The following CWF19L2 variants were observed in gnomAD, a reference collection of about 807,000 sequenced individuals.
CWF19L2 encodes CWF19-like protein 2.
CWF19L2 carries 98 observed loss-of-function variants against 111.7 expected under a neutral mutation model. That is an observed-to-expected ratio of 0.88 (90% CI 0.75 to 1.04). The LOEUF (loss-of-function observed/expected upper bound fraction) is 1.04, where lower values mean the gene tolerates loss of function less well. Among genes scored for constraint, CWF19L2 ranks in the 50% least tolerant of loss-of-function variants. The pLI is 0.00. For synonymous variants in CWF19L2, 351 were observed against 342.9 expected (o/e 1.02, Z -0.26); for missense variants, 1,101 against 1,051.4 (o/e 1.05, Z -0.65).
Position 107,329,934 on chromosome 11 carries a change from G to A in CWF19L2, c.2525C>T (p.Pro842Leu), listed in dbSNP as rs1859817979. The change falls in exon 17 of 18, where the codon CCT (proline) becomes CTT (leucine). Residue 842 changes from proline to leucine, a missense_variant. Coordinates refer to ENST00000282251, the MANE Select transcript of CWF19L2 (RefSeq NM_152434.3). ...AHVIEDQHKF[P>L]HYFGKEIIGG... ...TAAGCCTACCTTTCCAAAGTAATGA[G>A]GGAATTTGTGCTGATCTTCAATGAC... The A allele has an allele frequency of 6.3e-7, 1 of 1,580,926 alleles. No individual in the cohort carries two copies.
chr11:107,352,155 C>T (rs1860164821), intron 13 of CWF19L2, among the ~76,000 whole-genome samples: 1 of 152,128 alleles, frequency 6.6e-6, no homozygotes, highest in African/African-American at 2.4e-5. Context: ...CTTGTATTGT[C>T]CTGTATTTCC....
chr11:107,349,507 G>A (rs758420739), intron 13 of CWF19L2, among the ~76,000 whole-genome samples: 10 of 152,008 alleles, frequency 6.6e-5, no homozygotes, highest in African/African-American at 1.2e-4. Context: ...TGAGAAAAGA[G>A]AATTAACTCA....
intron 8 of CWF19L2, among the ~76,000 whole-genome samples, chr11:107,427,599 A>G (rs1483513006): frequency 6.6e-6 from 1 of 152,160 alleles, no homozygotes; most frequent in Non-Finnish European, 1.5e-5. Context: ...GAAGGCCTAC[A>G]GATCATCCAA....
intron 14 of CWF19L2, among the ~76,000 whole-genome samples, chr11:107,347,164 AATCTGTGATTACTCAAGT>A (rs1860092245): frequency 6.6e-6 from 1 of 152,194 alleles, no homozygotes; most frequent in Admixed American, 6.6e-5. Context: ...TCTTATTTGA[AATCTGTGATTACTCAAGT>A]ATGCTATGCT....
chr11:107,447,728 CA>C (rs1404302034), intron 3 of CWF19L2, among the ~76,000 whole-genome samples: 1 of 152,104 alleles, frequency 6.6e-6, no homozygotes, highest in Non-Finnish European at 1.5e-5. Flanking sequence ...CCAGCAGTCA[CA>C]ATATAAGTTT....
chr11:107,421,917 A>G (rs1861307557), intron 8 of CWF19L2, among the ~76,000 whole-genome samples: 1 of 152,144 alleles, frequency 6.6e-6, no homozygotes, highest in South Asian at 2.1e-4. Context: ...GAATGTTCAG[A>G]ATTGTACATA....
intron 12 of CWF19L2, among the ~76,000 whole-genome samples, chr11:107,370,279 T>A (rs1404275133): frequency 7.3e-6 from 1 of 137,180 alleles, no homozygotes; most frequent in Non-Finnish European, 1.6e-5. Flanking sequence ...CAATAAATCA[T>A]GCTAACTAAC....
chr11:107,400,909 A>G (rs2135384258), intron 10 of CWF19L2, among the ~76,000 whole-genome samples: 1 of 152,348 alleles, frequency 6.6e-6, no homozygotes, highest in East Asian at 1.9e-4. Flanking sequence ...GGATGGTTTA[A>G]CATACACAAG....
At chr11:107,327,529 T>C (rs373244094) in intron 17 of CWF19L2, among the ~76,000 whole-genome samples, 55 of 152,320 alleles carry the variant, frequency 3.6e-4, no homozygotes, top group African/African-American at 1.2e-3. Context: ...TCTTTTTTCA[T>C]GAAACAAAAT....
chr11:107,347,979 T>G (rs1350606656), intron 14 of CWF19L2, among the ~76,000 whole-genome samples: 2 of 152,126 alleles, frequency 1.3e-5, no homozygotes, highest in Non-Finnish European at 2.9e-5. Flanking sequence ...TTCCATACTT[T>G]CCACCTTAAA....
In CWF19L2 at chr11:107,371,688, C is replaced by G. The variant is rs1442046614; in HGVS notation, c.1873-17952G>C. 2.9e-5 allele frequency among the ~76,000 whole-genome samples: 4 copies of G among 137,424 alleles called. 2 individuals carry two copies. The highest frequency in any genetic ancestry group is 1.2e-4 in the African/African-American group (4 of 34,412). The allele number at this position is 137,424 out of a possible 152,430, so 90.2% of individuals were successfully genotyped here. On this transcript the variant is annotated intron_variant, in intron 12 of 17. Transcript: ENST00000282251. ...GATTCTGTGCACTACAAATTAATCA[C>G]ATGTTCCAGGAAACCTGCCCCAGGA...
chr11:107,445,436 T>C (rs547427877), intron 3 of CWF19L2, among the ~76,000 whole-genome samples: 26 of 152,188 alleles, frequency 1.7e-4, no homozygotes, highest in Middle Eastern at 3.4e-3. Flanking sequence ...AAACCCCATC[T>C]CTACTAAAAA....
rs1860026762 is a variant in CWF19L2, at chr11:107,342,949, C to T, written c.2202+5988G>A. Among the ~76,000 whole-genome samples, 3 of 152,224 alleles carry T rather than the reference C, an allele frequency of 2.0e-5. No homozygotes were observed. The South Asian group carries it at 6.2e-4, about 32-fold the overall frequency. ...AAGAAATGCTGGCAGCCCCTAGAAACTAGAAGAGGTAAGGAATAGATTCTC... is the reference window on the plus strand; with the variant it reads ...AAGAAATGCTGGCAGCCCCTAGAAATTAGAAGAGGTAAGGAATAGATTCTC... On this transcript the variant is annotated intron_variant, in intron 14 of 17. Coordinates refer to ENST00000282251, the MANE Select transcript of CWF19L2 (RefSeq NM_152434.3).
chr11:107,450,733 A>G (rs889917404), intron 3 of CWF19L2, among the ~76,000 whole-genome samples: 4 of 152,208 alleles, frequency 2.6e-5, no homozygotes, highest in Non-Finnish European at 5.9e-5. Context: ...AGGCTTTATT[A>G]ATATGAGATA....
Position 107,373,060 on chromosome 11 carries a change from A to C in CWF19L2, c.1872+17014T>G, listed in dbSNP as rs7106713. Among the ~76,000 whole-genome samples, 55 of 29,062 alleles carry C rather than the reference A, an allele frequency of 1.9e-3. 16 individuals carry two copies. Among genetic ancestry groups the C allele is most frequent in the African/African-American group, 3.9e-3 (10 of 2,596 alleles). 19.1% of individuals were successfully genotyped at this position (29,062 alleles called of 152,430 possible). A position where few individuals can be genotyped will look rare whatever the true frequency, so the allele number is the denominator to read the frequency against. ...CTCCCACCCAAATATTGCGCTTTTC[A>C]GACCGGCTTAAAAAACGGCACACTA... On this transcript the variant is annotated intron_variant, in intron 12 of 17. Transcript: ENST00000282251.
Position 107,336,474 on chromosome 11 carries a change from A to ACATATGTT in CWF19L2, c.2358+83_2358+84insAACATATG, listed in dbSNP as rs1859925304. 2.6e-6 allele frequency: 3 copies of ACATATGTT among 1,145,076 alleles called. No homozygotes were observed. In the Admixed American group the frequency reaches 8.1e-5, roughly 31 times the overall value. The allele number at this position is 1,145,076 out of a possible 1,614,324, so 70.9% of individuals were successfully genotyped here. A position where few individuals can be genotyped will look rare whatever the true frequency, so the allele number is the denominator to read the frequency against. On this transcript the variant is annotated intron_variant, in intron 15 of 17. Coordinates refer to ENST00000282251, the MANE Select transcript of CWF19L2 (RefSeq NM_152434.3). The stretch of plus-strand genomic sequence containing the variant: ...ATTTTGATGTAAGTATATAGGAGAA[A>ACATATGTT]AATATGTTAATAAAGACAACAATAT...
rs143106054 is a variant in CWF19L2 at position 107,357,720 on chromosome 11, T to C, written c.1873-3984A>G. Among the ~76,000 whole-genome samples the C allele has an allele frequency of 7.1e-4, 108 of 152,344 alleles. 1 individual carries two copies. In the East Asian group the frequency reaches 9.5e-3, roughly 13 times the overall value. On this transcript the variant is annotated intron_variant, in intron 12 of 17. Coordinates refer to ENST00000282251, the MANE Select transcript of CWF19L2 (RefSeq NM_152434.3). ...CTCAAATTATTTGCATTTTTACTCA[T>C]TATCTTTTCTTTAGGCTTTGATACA...
chr11:107,407,545 G>A (rs964358740), intron 10 of CWF19L2, among the ~76,000 whole-genome samples: 3 of 151,946 alleles, frequency 2.0e-5, no homozygotes, highest in Non-Finnish European at 4.4e-5. Flanking sequence ...TTTAACAACA[G>A]AAAAGGGAAT....
At chr11:107,383,129 A>G (rs1321845481) in intron 12 of CWF19L2, among the ~76,000 whole-genome samples, 2 of 152,168 alleles carry the variant, frequency 1.3e-5, no homozygotes, top group Admixed American at 6.5e-5. Context: ...GTTTCCCTGA[A>G]TTCTGTGAGC....
Sources: allele counts gnomAD v4.1 joint callset (sites outside exome capture counted in the v4.1 genomes callset), GRCh38; gene constraint gnomAD v4.1.1; transcripts MANE v1.5; gene names NCBI Gene and HGNC (gene_info 2026-07-23, HGNC 2026-07-21).